The following LYRM4 variants were observed in gnomAD, a reference collection of about 807,000 sequenced individuals.
LYRM4 encodes LYR motif-containing protein 4.
A neutral mutation model predicts 11.7 loss-of-function variants in LYRM4; 9 were observed. The ratio of observed to expected loss-of-function variants is 0.77; its 90% CI spans 0.46 to 1.34. The LOEUF (loss-of-function observed/expected upper bound fraction) is 1.34, where lower values mean the gene tolerates loss of function less well. LYRM4 is among the 40% of genes most tolerant of loss of function. The pLI, the probability that LYRM4 is intolerant of heterozygous loss-of-function variation, is 0.00. For synonymous variants in LYRM4, 42 were observed against 40.4 expected (o/e 1.04, Z -0.15); for missense variants, 133 against 112.5 (o/e 1.18, Z -0.82).
At chr6:5,177,270 C>T (rs765723939) in intron 2 of LYRM4, among the ~76,000 whole-genome samples, 3 of 152,230 alleles carry the variant, frequency 2.0e-5, no homozygotes, top group Non-Finnish European at 4.4e-5. Context: ...CCTCAAATGC[C>T]ACAGTCCTCT....
chr6:5,216,965 A>C (rs1346275266), intron 1 of LYRM4, among the ~76,000 whole-genome samples: 2 of 152,254 alleles, frequency 1.3e-5, no homozygotes, highest in Non-Finnish European at 2.9e-5. Flanking sequence ...TACAAATGGC[A>C]AACTGCTACT....
At chr6:5,250,302 C>T (rs1374420750) in intron 1 of LYRM4, among the ~76,000 whole-genome samples, 1 of 152,012 alleles carries the variant, frequency 6.6e-6, no homozygotes, top group Non-Finnish European at 1.5e-5. Context: ...TTGTAAACTA[C>T]AGTCAATAAA....
the LYRM4 span, among the ~76,000 whole-genome samples, chr6:5,083,197 G>A: frequency 1.4e-4 from 21 of 152,298 alleles, no homozygotes; most frequent in African/African-American, 3.6e-4. Context: ...ATGTGCCCCC[G>A]TGAGGGTTGT....
the LYRM4 span, among the ~76,000 whole-genome samples, chr6:5,096,613 C>T: frequency 6.6e-6 from 1 of 152,106 alleles, no homozygotes; most frequent in Non-Finnish European, 1.5e-5. Flanking sequence ...GACAGCCAGG[C>T]CTGCAGTTGC....
intron 1 of LYRM4, among the ~76,000 whole-genome samples, chr6:5,249,430 T>A (rs1367753100): frequency 6.6e-6 from 1 of 152,048 alleles, no homozygotes; most frequent in Non-Finnish European, 1.5e-5. Flanking sequence ...GAAAAGAAAA[T>A]TAGGGGAAAT....
At chr6:5,191,200 A>G (rs9328289) in intron 2 of LYRM4, among the ~76,000 whole-genome samples, 35,468 of 152,134 alleles carry the variant, frequency 0.23, 4,393 homozygotes, top group Admixed American at 0.28. Flanking sequence ...AAACAACATG[A>G]GTCAAGAGAG....
rs371525617 is a variant in LYRM4 at position 5,174,704 on chromosome 6, A to C, written c.207+41914T>G. Among the ~76,000 whole-genome samples, 194 of 152,328 alleles carry C rather than the reference A, an allele frequency of 1.3e-3. 2 individuals carry two copies. In the South Asian group the frequency reaches 0.039, roughly 30 times the overall value. ...CTTTTATTTAGTCTTTACACTTATA[A>C]TTGGTAACTGGAAGGTCCCCAATAC... On this transcript the variant is annotated intron_variant, in intron 2 of 2. Transcript: ENST00000330636.
Position 5,109,340 on chromosome 6 carries a change from T to A in LYRM4, c.*83A>T. ...GGCAGCGCAAAAGGCTATTGTAAGC[T>A]GGTTTTGGGAGCCCCCATCTCAAAC... On this transcript the variant is annotated 3_prime_UTR_variant, in exon 3 of 3. Coordinates refer to ENST00000330636, the MANE Select transcript of LYRM4 (RefSeq NM_020408.6). 1 of 1,599,618 alleles carries A rather than the reference T, an allele frequency of 6.3e-7. No homozygotes were observed. Among genetic ancestry groups the A allele is most frequent in the Non-Finnish European group, 8.6e-7 (1 of 1,169,266 alleles).
intron 2 of LYRM4, among the ~76,000 whole-genome samples, chr6:5,143,864 G>A (rs950863017): frequency 6.6e-6 from 1 of 152,240 alleles, no homozygotes; most frequent in East Asian, 1.9e-4. Context: ...AGTGCTGGAA[G>A]GTGGCTCTTC....
intron 2 of LYRM4, among the ~76,000 whole-genome samples, chr6:5,202,729 A>C (rs1761461251): frequency 6.6e-6 from 1 of 152,196 alleles, no homozygotes; most frequent in Non-Finnish European, 1.5e-5. Flanking sequence ...GGGCTGTTAT[A>C]ATTAGTTACA....
At chr6:5,044,043 A>ACTAT in the LYRM4 span, among the ~76,000 whole-genome samples, 2 of 152,080 alleles carry the variant, frequency 1.3e-5, no homozygotes, top group African/African-American at 4.8e-5. Context: ...ACTGTGTGAA[A>ACTAT]CTATCTCCTA....
intron 1 of LYRM4, among the ~76,000 whole-genome samples, chr6:5,219,991 T>C (rs896121179): frequency 2.0e-5 from 3 of 152,194 alleles, no homozygotes; most frequent in Non-Finnish European, 4.4e-5. Context: ...GCACACACAC[T>C]GCCCTTTCCA....
chr6:5,109,638 C>A, intron 2 of LYRM4, 147 bp from the exon 3 acceptor site: 2 of 725,368 alleles, frequency 2.8e-6, no homozygotes, highest in Non-Finnish European at 4.7e-6. Flanking sequence ...GGGGCAAAGC[C>A]GGCCACTAGA....
At chr6:5,201,290 C>A (rs1218297182) in intron 2 of LYRM4, among the ~76,000 whole-genome samples, 2 of 152,144 alleles carry the variant, frequency 1.3e-5, no homozygotes, top group African/African-American at 4.8e-5. Context: ...AACCTTGGCA[C>A]TGCTTGCTAG....
chr6:5,229,713 T>C (rs1763119291), intron 1 of LYRM4, among the ~76,000 whole-genome samples: 1 of 152,160 alleles, frequency 6.6e-6, no homozygotes, highest in African/African-American at 2.4e-5. Context: ...AAAAAGTATA[T>C]TCAAAACAAT....
the LYRM4 span, among the ~76,000 whole-genome samples, chr6:5,049,137 G>A: frequency 2.0e-5 from 3 of 152,252 alleles, no homozygotes; most frequent in Admixed American, 6.5e-5. Context: ...GGGCATGACC[G>A]CTGTGAGACA....
intron 2 of LYRM4, among the ~76,000 whole-genome samples, chr6:5,109,975 G>A (rs533382065): frequency 5.3e-5 from 8 of 152,220 alleles, no homozygotes; most frequent in African/African-American, 1.9e-4. Context: ...GGGTGGGGTC[G>A]AGGGCAGTTG....
rs144553261 is a variant in LYRM4 at position 5,202,109 on chromosome 6, T to C, written c.207+14509A>G. ...AGTGAATAACCATGACCAAAACTTG[T>C]TTTTGCAGGTGCTCAATTAACTGAA... On this transcript the variant is annotated intron_variant, in intron 2 of 2. Transcript: ENST00000330636. Among the ~76,000 whole-genome samples, 6 of 152,366 alleles carry C rather than the reference T, an allele frequency of 3.9e-5. No individual in the cohort carries two copies. The East Asian group carries it at 1.2e-3, about 29-fold the overall frequency.
At chr6:5,256,983 C>G (rs973760660) in intron 1 of LYRM4, among the ~76,000 whole-genome samples, 1 of 152,130 alleles carries the variant, frequency 6.6e-6, no homozygotes, top group African/African-American at 2.4e-5. Flanking sequence ...TTATCAAATA[C>G]AACATTCTTC....
Sources: gnomAD v4.1 joint callset for allele counts (sites outside exome capture counted in the v4.1 genomes callset) on GRCh38, gnomAD v4.1.1 for gene constraint, MANE v1.5 for transcripts, NCBI Gene and HGNC (gene_info 2026-07-23, HGNC 2026-07-21) for gene names.